The following TMEM207 variants were observed in gnomAD, a reference collection of about 807,000 sequenced individuals.
The protein encoded by TMEM207 is SRSR846.
In TMEM207, 15 loss-of-function variants were observed where a neutral mutation model predicts 17.4. The observed-to-expected ratio is 0.86, with a 90% CI of 0.58 to 1.33. The LOEUF (loss-of-function observed/expected upper bound fraction) is 1.33. Ranked by LOEUF, TMEM207 falls within the 40% of genes most tolerant of loss-of-function variation. TMEM207 has a pLI of 0.00. For missense variants in TMEM207, 205 were observed against 173.8 expected (o/e 1.18, Z -1.01); for synonymous variants, 70 against 65.6 (o/e 1.07, Z -0.33).
At chr3:190,439,134 G>A (rs1262228813) in intron 4 of TMEM207, among the ~76,000 whole-genome samples, 3 of 133,954 alleles carry the variant, frequency 2.2e-5, no homozygotes, top group Admixed American at 1.7e-4. Flanking sequence ...CGGAGATCGC[G>A]CCACGGCACT....
In TMEM207 at chr3:190,429,039, GTTTTT is replaced by G. The variant is rs539167016; in HGVS notation, c.*551_*555del. 49,278 of 151,970 alleles carry G rather than the reference GTTTTT, an allele frequency of 0.32. 10,255 individuals carry two copies. The highest frequency in any genetic ancestry group is 0.6 in the African/African-American group (24,708 of 41,310). 9.4% of individuals were successfully genotyped at this position (151,970 alleles called of 1,614,324 possible). On this transcript the variant is annotated 3_prime_UTR_variant, in exon 5 of 5. Coordinates refer to ENST00000354905, the MANE Select transcript of TMEM207 (RefSeq NM_207316.3). Reference sequence around the variant, plus strand: ...TTCAGGTTGGGGCATAAAACCTCTTGTTTTTGCTGAGACTTGTAATCTTTTCCTTT... The same window carrying G: ...TTCAGGTTGGGGCATAAAACCTCTTGGCTGAGACTTGTAATCTTTTCCTTT...
At chr3:190,444,514 A>C (rs1720004197) in intron 2 of TMEM207, 1 of 956,478 alleles carries the variant, frequency 1.0e-6, no homozygotes, top group Non-Finnish European at 1.2e-6. Flanking sequence ...TAAAAAAAAA[A>C]AAAATAGAAA....
At chr3:190,439,176 C>CAA (rs772313119) in intron 4 of TMEM207, among the ~76,000 whole-genome samples, 850 of 58,028 alleles carry the variant, frequency 0.015, 33 homozygotes, top group African/African-American at 0.018. Flanking sequence ...GACTCCGTCT[C>CAA]AAAAAAAAAA....
chr3:190,449,241 T>C (rs1418268385), intron 1 of TMEM207, among the ~76,000 whole-genome samples: 1 of 152,168 alleles, frequency 6.6e-6, no homozygotes, highest in Non-Finnish European at 1.5e-5. Context: ...ATACCTTGCA[T>C]TGAAGTCACA....
chr3:190,436,435 CTG>C (rs1719804319), intron 4 of TMEM207, among the ~76,000 whole-genome samples: 1 of 152,162 alleles, frequency 6.6e-6, no homozygotes, highest in South Asian at 2.1e-4. Flanking sequence ...TGAACAGGGA[CTG>C]TGAGGGAAAT....
chr3:190,449,610 C>G (rs1167342072), intron 1 of TMEM207, 125 bp downstream of exon 1: 1 of 833,216 alleles, frequency 1.2e-6, no homozygotes, highest in Non-Finnish European at 1.9e-6. Flanking sequence ...GCTAGTAAAG[C>G]TTGAAGGAAA....
At chr3:190,447,902 G>T (rs1560109774) in intron 1 of TMEM207, 75 bp from the exon 2 acceptor site, 2 of 1,381,730 alleles carry the variant, frequency 1.4e-6, no homozygotes, top group East Asian at 2.4e-5. Context: ...AGCGCCTAGA[G>T]ACAATGTGGG....
At chr3:190,442,850 G>C (rs907861735) in intron 2 of TMEM207, among the ~76,000 whole-genome samples, 1 of 152,112 alleles carries the variant, frequency 6.6e-6, no homozygotes, top group South Asian at 2.1e-4. Flanking sequence ...AAATAGTATA[G>C]AGACTTCAAT....
chr3:190,432,167 T>A (rs1391077144), intron 4 of TMEM207, among the ~76,000 whole-genome samples: 1 of 152,224 alleles, frequency 6.6e-6, no homozygotes, highest in Non-Finnish European at 1.5e-5. Flanking sequence ...ATACACTTAC[T>A]GCTTAGTTTT....
chr3:190,441,595 A>T, intron 2 of TMEM207, 113 bp from the exon 3 acceptor site: 1 of 789,986 alleles, frequency 1.3e-6, no homozygotes, highest in Non-Finnish European at 2.1e-6. Flanking sequence ...AGTCACCTAC[A>T]TATTCCCATA....
intron 4 of TMEM207, among the ~76,000 whole-genome samples, chr3:190,432,889 G>A (rs1719721192): frequency 6.6e-6 from 1 of 152,106 alleles, no homozygotes; most frequent in Admixed American, 6.5e-5. Flanking sequence ...TCAGCCCCAG[G>A]GAGAAGCTAA....
intron 4 of TMEM207, among the ~76,000 whole-genome samples, chr3:190,438,756 A>G (rs1012246778): frequency 1.3e-5 from 2 of 152,208 alleles, no homozygotes; most frequent in Admixed American, 6.5e-5. Context: ...AAATAGTCCA[A>G]TGTTAGCATG....
intron 4 of TMEM207, 119 bp from the exon 5 acceptor site, chr3:190,429,850 A>G: frequency 8.0e-7 from 1 of 1,242,554 alleles, no homozygotes; most frequent in East Asian, 2.6e-5. Flanking sequence ...AATTATTTGT[A>G]TCTATGAGAA....
At chr3:190,433,728 T>C (rs562377145) in intron 4 of TMEM207, among the ~76,000 whole-genome samples, 3 of 152,328 alleles carry the variant, frequency 2.0e-5, no homozygotes, top group Admixed American at 6.5e-5. Flanking sequence ...CAGATTGATA[T>C]GATTTGGATC....
intron 2 of TMEM207, among the ~76,000 whole-genome samples, chr3:190,447,155 G>C (rs957502866): frequency 1.3e-5 from 2 of 152,064 alleles, no homozygotes; most frequent in African/African-American, 4.8e-5. Flanking sequence ...AACAGTAAGG[G>C]CTGCAAGCAG....
intron 4 of TMEM207, among the ~76,000 whole-genome samples, chr3:190,434,092 A>G (rs183760762): frequency 2.0e-5 from 3 of 152,288 alleles, no homozygotes; most frequent in Non-Finnish European, 2.9e-5. Context: ...TTTTTCATAA[A>G]TTACCCAGTC....
intron 2 of TMEM207, among the ~76,000 whole-genome samples, chr3:190,445,479 G>A (rs1261827059): frequency 6.6e-6 from 1 of 152,218 alleles, no homozygotes; most frequent in Admixed American, 6.5e-5. Context: ...TCAGAAAAAC[G>A]TACCCTGGTG....
intron 4 of TMEM207, among the ~76,000 whole-genome samples, chr3:190,431,419 A>G (rs78565978): frequency 1.2e-3 from 178 of 152,082 alleles, no homozygotes; most frequent in Middle Eastern, 6.8e-3. Context: ...TTATTTTTCA[A>G]TCCATCCTCT....
chr3:190,444,505 A>T (rs1577448073), intron 2 of TMEM207: 3 of 19,174 alleles, frequency 1.6e-4, no homozygotes, highest in African/African-American at 4.9e-4. Flanking sequence ...ACTGAAAATT[A>T]AAAAAAAAAA....
Sources: gnomAD v4.1 joint callset for allele counts (sites outside exome capture counted in the v4.1 genomes callset) on GRCh38, gnomAD v4.1.1 for gene constraint, MANE v1.5 for transcripts, NCBI Gene and HGNC (gene_info 2026-07-23, HGNC 2026-07-21) for gene names.